AKAP19: variants seen among roughly 807,000 people sequenced by gnomAD.
AKAP19 encodes the protein A-kinase anchoring protein 19.
chr2:189,980,063 C>T, the AKAP19 span, among the ~76,000 whole-genome samples: 1 of 152,240 alleles, frequency 6.6e-6, no homozygotes, highest in Non-Finnish European at 1.5e-5. Context: ...CACTAGGGGG[C>T]ACCTACCCAA....
the AKAP19 span, among the ~76,000 whole-genome samples, chr2:190,013,999 C>T: frequency 6.6e-6 from 1 of 151,598 alleles, no homozygotes; most frequent in Non-Finnish European, 1.5e-5. Context: ...TTTCTAGTTC[C>T]TTAAGGCATA....
At chr2:189,980,364 G>A in the AKAP19 span, among the ~76,000 whole-genome samples, 3 of 151,974 alleles carry the variant, frequency 2.0e-5, no homozygotes, top group African/African-American at 7.3e-5. Context: ...TTTGAAATGG[G>A]GTCTCACTCT....
At chr2:190,175,230 G>A in the AKAP19 span, among the ~76,000 whole-genome samples, 9 of 152,306 alleles carry the variant, frequency 5.9e-5, no homozygotes, top group Non-Finnish European at 1.3e-4. Flanking sequence ...CTTAAGTTCA[G>A]CGTAAAGATC....
At chr2:190,069,226 A>C in the AKAP19 span, among the ~76,000 whole-genome samples, 8 of 150,378 alleles carry the variant, frequency 5.3e-5, no homozygotes, top group Admixed American at 1.3e-4. Flanking sequence ...TCAATCTCCC[A>C]GTAGGGAGAA....
the AKAP19 span, chr2:190,200,100 T>C: frequency 1.2e-6 from 2 of 1,614,086 alleles, no homozygotes; most frequent in South Asian, 2.2e-5. Context: ...GGGCATGCAA[T>C]AACATCAAGT....
chr2:190,114,300 A>T, the AKAP19 span, among the ~76,000 whole-genome samples: 2 of 152,208 alleles, frequency 1.3e-5, no homozygotes, highest in African/African-American at 2.4e-5. Context: ...CATACTTTTC[A>T]TATCTCACTG....
At chr2:190,075,574 C>T in the AKAP19 span, among the ~76,000 whole-genome samples, 1 of 152,138 alleles carries the variant, frequency 6.6e-6, no homozygotes, top group African/African-American at 2.4e-5. Context: ...CAACTCTAAT[C>T]ATTATAAAAT....
chr2:190,067,835 T>C, the AKAP19 span, among the ~76,000 whole-genome samples: 1 of 152,184 alleles, frequency 6.6e-6, no homozygotes, highest in Non-Finnish European at 1.5e-5. Flanking sequence ...GTCTATTTAT[T>C]ATAGGCTTAA....
the AKAP19 span, among the ~76,000 whole-genome samples, chr2:189,909,770 G>A: frequency 6.6e-6 from 1 of 152,010 alleles, no homozygotes; most frequent in Non-Finnish European, 1.5e-5. Context: ...ATTAGGCAAA[G>A]AAGTCAACGC....
At chr2:190,094,945 C>T in the AKAP19 span, among the ~76,000 whole-genome samples, 5 of 152,182 alleles carry the variant, frequency 3.3e-5, no homozygotes, top group Admixed American at 6.5e-5. Flanking sequence ...AGTAAATAGG[C>T]CGGGCGCGGT....
the AKAP19 span, among the ~76,000 whole-genome samples, chr2:190,181,840 C>A: frequency 0.014 from 2,086 of 152,182 alleles, 27 homozygotes; most frequent in South Asian, 0.064. Flanking sequence ...TAAATCAAAC[C>A]AAGATCAACA....
the AKAP19 span, among the ~76,000 whole-genome samples, chr2:190,128,408 C>G: frequency 3.3e-5 from 5 of 152,152 alleles, no homozygotes; most frequent in Admixed American, 1.3e-4. Flanking sequence ...ATCCACAAGG[C>G]ACAAAAGGCA....
chr2:190,054,426 A>G, the AKAP19 span, among the ~76,000 whole-genome samples: 1 of 152,194 alleles, frequency 6.6e-6, no homozygotes, highest in African/African-American at 2.4e-5. Context: ...GGACATAGGC[A>G]TAGGCAAGGA....
chr2:190,053,777 G>C, the AKAP19 span, among the ~76,000 whole-genome samples: 1 of 151,904 alleles, frequency 6.6e-6, no homozygotes, highest in South Asian at 2.1e-4. Context: ...ATCAATATTT[G>C]AATTTAGATT....
At chr2:189,930,676 CAAAAAAA>C in the AKAP19 span, 1 of 314,206 alleles carries the variant, frequency 3.2e-6, no homozygotes, top group Non-Finnish European at 6.2e-6. Flanking sequence ...AACTCCCTCT[CAAAAAAA>C]AAAAAAAAGA....
the AKAP19 span, among the ~76,000 whole-genome samples, chr2:189,905,910 C>G: frequency 1.3e-5 from 2 of 152,024 alleles, no homozygotes; most frequent in South Asian, 4.1e-4. Context: ...ACATTTTCCT[C>G]TAATTTGAAT....
At chr2:189,999,873 T>TGAC in the AKAP19 span, among the ~76,000 whole-genome samples, 9 of 152,222 alleles carry the variant, frequency 5.9e-5, no homozygotes, top group Admixed American at 1.3e-4. Flanking sequence ...TTTGGACATA[T>TGAC]GACGTAATGT....
chr2:190,040,360 A>G, the AKAP19 span, among the ~76,000 whole-genome samples: 1 of 152,036 alleles, frequency 6.6e-6, no homozygotes, highest in Admixed American at 6.6e-5. Context: ...CCACTTTTTA[A>G]TGGGGTTGTT....
chr2:189,882,813 A>T, the AKAP19 span, among the ~76,000 whole-genome samples: 1 of 152,114 alleles, frequency 6.6e-6, no homozygotes, highest in Non-Finnish European at 1.5e-5. Flanking sequence ...CATAGCTTTT[A>T]AAAATCTTTG....
Sources: allele counts gnomAD v4.1 joint callset (sites outside exome capture counted in the v4.1 genomes callset), GRCh38; gene constraint gnomAD v4.1.1; transcripts MANE v1.5; gene names NCBI Gene and HGNC (gene_info 2026-07-23, HGNC 2026-07-21).